LATS2: variants seen among roughly 807,000 people sequenced by gnomAD.
LATS2 encodes serine/threonine-protein kinase LATS2.
A neutral mutation model predicts 76.0 loss-of-function variants in LATS2; 24 were observed. The observed-to-expected ratio is 0.32, with a 90% CI of 0.23 to 0.44. The LOEUF is 0.44. LATS2 is among the 20% of genes least tolerant of loss of function. The probability of loss-of-function intolerance (pLI) is 1.00; values close to 1 mark genes in which losing one functional copy is unlikely to be tolerated. For synonymous variants in LATS2, 692 were observed against 635.4 expected, an observed-to-expected ratio of 1.09 and a Z score of -1.34; for missense variants, 1,286 against 1,481.2, an observed-to-expected ratio of 0.87 and a Z score of 2.16.
intron 1 of LATS2, 127 bp from the exon 2 acceptor site, chr13:21,046,357 AC>A (rs1049307839): frequency 2.9e-4 from 79 of 276,390 alleles, no homozygotes; most frequent in African/African-American, 1.6e-3. Flanking sequence ...AGAACGCATC[AC>A]CTCTCAGAAA....
intron 2 of LATS2, among the ~76,000 whole-genome samples, chr13:21,021,631 T>A (rs1332428672): frequency 6.6e-6 from 1 of 152,228 alleles, no homozygotes; most frequent in East Asian, 1.9e-4. Context: ...TTGTCAGCAT[T>A]GCTCAAAGCT....
intron 1 of LATS2, among the ~76,000 whole-genome samples, chr13:21,054,415 A>G (rs1873381933): frequency 6.6e-6 from 1 of 152,176 alleles, no homozygotes; most frequent in Non-Finnish European, 1.5e-5. Context: ...CTCAAAAAGA[A>G]AAAAAATTTA....
chr13:21,038,928 T>C (rs1872774896), intron 2 of LATS2, among the ~76,000 whole-genome samples: 1 of 152,182 alleles, frequency 6.6e-6, no homozygotes, highest in Non-Finnish European at 1.5e-5. Context: ...TGTAATGAGC[T>C]GAGATCACCC....
chr13:20,984,283 T>C (rs1314760828), intron 4 of LATS2, among the ~76,000 whole-genome samples: 1 of 151,712 alleles, frequency 6.6e-6, no homozygotes, highest in Non-Finnish European at 1.5e-5. Context: ...GAATGAAAAG[T>C]TAAGATAAAA....
chr13:21,047,661 CT>C (rs1365116582), intron 1 of LATS2, among the ~76,000 whole-genome samples: 1 of 151,518 alleles, frequency 6.6e-6, no homozygotes, highest in African/African-American at 2.4e-5. Flanking sequence ...AACTTTATAA[CT>C]GTAAACCGCG....
chr13:20,988,304 C>A lies in LATS2; in HGVS notation c.1476G>T (p.Leu492=), dbSNP rs1420906671. 15 of 1,564,528 alleles carry A rather than the reference C, an allele frequency of 9.6e-6. No individual in the cohort carries two copies. The highest frequency in any genetic ancestry group is 1.3e-5 in the Non-Finnish European group (15 of 1,165,222). ...GGAAGGCGCCTGCGCCGCCCAGCGCCAGGGCATGCTCCTCCTTGGCGTCCA... is the reference window on the plus strand; with the variant it reads ...GGAAGGCGCCTGCGCCGCCCAGCGCAAGGGCATGCTCCTCCTTGGCGTCCA... ...EGLDAKEEHA[L]ALGGAGAFPL... The change falls in exon 4 of 8, where the codon CTG becomes CTT. Residue 492 remains leucine (L), a synonymous_variant. Transcript: ENST00000382592.
chr13:20,989,055 G>A lies in LATS2; in HGVS notation c.725C>T (p.Ala242Val). 6.3e-7 allele frequency: 1 copy of A among 1,578,016 alleles called. No homozygotes were observed. The highest frequency in any genetic ancestry group is 8.6e-7 in the Non-Finnish European group (1 of 1,167,148). Residue 242 changes from alanine to valine, a missense_variant, in exon 4 of 8, where the codon GCA becomes GTA. Physicochemically the swap from Ala to Val is moderately conservative, Grantham distance 64. Coordinates refer to ENST00000382592, the MANE Select transcript of LATS2 (RefSeq NM_014572.3). ...GCCCTGCAGCGGGAAGTGTGCCCCT[G>A]CTGCCTCTACGCTGGCACCGTAGCC... ...PKGYGASVEA[A>V]GAHFPLQGAH... is the part of the protein sequence containing the mutation.
chr13:21,003,591 G>A (rs1474705615), intron 2 of LATS2, among the ~76,000 whole-genome samples: 4 of 151,596 alleles, frequency 2.6e-5, no homozygotes, highest in African/African-American at 4.8e-5. Flanking sequence ...CAGGTGCCTC[G>A]CCACCACACC....
At position 20,991,172 on chromosome 13, in the gene LATS2, C is replaced by A; in HGVS notation, c.475+100G>T. 7.1e-7 allele frequency: 1 copy of A among 1,417,188 alleles called. No homozygotes were observed. The highest frequency in any genetic ancestry group is 9.8e-7 in the Non-Finnish European group (1 of 1,022,938). The allele number at this position is 1,417,188 out of a possible 1,614,324, so 87.8% of individuals were successfully genotyped here. On this transcript the variant is annotated intron_variant, in intron 3 of 7. Transcript: ENST00000382592. This position sits in a 1 kb window ranked among gnomAD's most constrained non-coding sequence, Gnocchi z 4.9. Reference sequence around the variant, plus strand: ...ATGAGGCAATGTGCCAGGAGACTGGCTCTGGCCAGGCCAGGCCAGGTTGGA... The same window carrying A: ...ATGAGGCAATGTGCCAGGAGACTGGATCTGGCCAGGCCAGGCCAGGTTGGA...
In LATS2 at chr13:20,989,200, G is replaced by A; in HGVS notation, c.580C>T (p.Pro194Ser). Reference protein sequence around the residue: ...HQLSGTPYEGPSFGADGPTAL... With the variant: ...HQLSGTPYEGSSFGADGPTAL... ...GTGGGGCCGTCAGCGCCGAAGCTTGGGCCCTCGTAGGGGGTACCGCTCAGC... is the reference window on the plus strand; with the variant it reads ...GTGGGGCCGTCAGCGCCGAAGCTTGAGCCCTCGTAGGGGGTACCGCTCAGC... Residue 194 changes from proline (P) to serine (S), a missense_variant, in exon 4 of 8, where the codon CCA (proline) becomes TCA (serine). Pro to Ser is a moderately conservative substitution (Grantham distance 74, BLOSUM62 -1). Coordinates refer to ENST00000382592, the MANE Select transcript of LATS2 (RefSeq NM_014572.3). 2 of 1,613,684 alleles carry A rather than the reference G, an allele frequency of 1.2e-6. No individual in the cohort carries two copies. The highest frequency in any genetic ancestry group is 2.2e-5 in the South Asian group (2 of 91,088).
chr13:21,049,458 T>C (rs565379820), intron 1 of LATS2, among the ~76,000 whole-genome samples: 32 of 152,096 alleles, frequency 2.1e-4, no homozygotes, highest in Non-Finnish European at 2.9e-5. Flanking sequence ...TATGGGACAT[T>C]TGCCCGGCCA....
rs1870335213 is a variant in LATS2, at chr13:20,988,742, G to C, written c.1038C>G (p.Ser346Arg). The change falls in exon 4 of 8, where the codon AGC becomes AGG. Residue 346 changes from serine (S) to arginine (R), a missense_variant. Coordinates refer to ENST00000382592, the MANE Select transcript of LATS2 (RefSeq NM_014572.3). ...QVFASDSPPQSLLTPSRNSLN... is the reference protein window; with the variant it reads ...QVFASDSPPQRLLTPSRNSLN... ...GGCTGTTCCGCGAGGGAGTGAGCAG[G>C]CTCTGCGGGGGGCTGTCGCTGGCGA... 6.4e-7 allele frequency: 1 copy of C among 1,573,250 alleles called. No individual in the cohort carries two copies. The highest frequency in any genetic ancestry group is 1.2e-5 in the South Asian group (1 of 86,810).
At chr13:21,055,101 T>C (rs1291078861) in intron 1 of LATS2, among the ~76,000 whole-genome samples, 2 of 152,260 alleles carry the variant, frequency 1.3e-5, no homozygotes, top group African/African-American at 4.8e-5. Context: ...AGACAGTGTA[T>C]TTTAAGCTTT....
rs1212679729 is a variant in LATS2 at position 20,991,313 on chromosome 13, C to T, written c.434G>A (p.Arg145Lys). The change falls in exon 3 of 8, where the codon AGG becomes AAG. Residue 145 changes from arginine to lysine, a missense_variant. Around this residue, in one of 5 missense-constraint regions of LATS2, gnomAD observed 18 missense variants for 58.5 expected, o/e 0.31. Coordinates refer to ENST00000382592, the MANE Select transcript of LATS2 (RefSeq NM_014572.3). This position sits in a 1 kb window ranked among gnomAD's most constrained non-coding sequence, Gnocchi z 4.9. Reference protein sequence around the residue: ...YISKMGYLDPRNEQIVRVIKQ... With the variant: ...YISKMGYLDPKNEQIVRVIKQ... Reference sequence around the variant, plus strand: ...AATGACCCGCACAATCTGCTCATTCCTCGGGTCCAGGTAGCCCATCTTGCT... The same window carrying T: ...AATGACCCGCACAATCTGCTCATTCTTCGGGTCCAGGTAGCCCATCTTGCT... 6.2e-7 allele frequency: 1 copy of T among 1,614,070 alleles called. No homozygotes were observed. The highest frequency in any genetic ancestry group is 1.3e-5 in the African/African-American group (1 of 74,930).
rs367560172 is a variant in LATS2, at chr13:21,025,413, A to AAAC, written c.342+20271_342+20272insGTT. On this transcript the variant is annotated intron_variant, in intron 2 of 7. Transcript: ENST00000382592. ...GTCTCCAAAAAAAAAAAAAAAAAAAAATTATGGTCATGAGTGAGGAAGAGT... is the reference window on the plus strand; with the variant it reads ...GTCTCCAAAAAAAAAAAAAAAAAAAAAACATTATGGTCATGAGTGAGGAAGAGT... Among the ~76,000 whole-genome samples, 461 of 140,254 alleles carry AAAC rather than the reference A, an allele frequency of 3.3e-3. 16 individuals are homozygous for AAAC. The highest frequency in any genetic ancestry group is 9.6e-3 in the African/African-American group (346 of 36,126). The allele number at this position is 140,254 out of a possible 152,430, so 92.0% of individuals were successfully genotyped here.
At chr13:21,053,523 C>G (rs1011674506) in intron 1 of LATS2, among the ~76,000 whole-genome samples, 3 of 152,100 alleles carry the variant, frequency 2.0e-5, no homozygotes, top group Non-Finnish European at 4.4e-5. Context: ...TTGAAAGACA[C>G]AGGTAGTCAC....
At chr13:21,060,273 G>A (rs1873587460) in intron 1 of LATS2, among the ~76,000 whole-genome samples, 2 of 152,354 alleles carry the variant, frequency 1.3e-5, no homozygotes, top group South Asian at 4.1e-4. Context: ...TGGGCTGAAG[G>A]ATGTGATGGC....
chr13:20,990,493 C>T (rs866151454), intron 3 of LATS2, among the ~76,000 whole-genome samples: 2 of 45,324 alleles, frequency 4.4e-5, no homozygotes, highest in Non-Finnish European at 9.5e-5. Flanking sequence ...TTTTTAAATA[C>T]AGACGAGGTC....
Position 20,975,329 on chromosome 13 carries a change from G to A in LATS2, c.2808C>T (p.Ala936=). The change falls in exon 8 of 8, where the codon GCC becomes GCT. Residue 936 remains alanine (A), a synonymous_variant. Transcript: ENST00000382592. ...INWENTLHIP[A]QVKLSPEARD... is the part of the protein sequence containing the mutation. ...TGGCCTCAGGGCTCAGCTTCACCTG[G>A]GCTGGAATGTGGAGCGTGTTCTCCC... 1.3e-6 allele frequency: 2 copies of A among 1,591,054 alleles called. No individual in the cohort carries two copies. The highest frequency in any genetic ancestry group is 1.7e-6 in the Non-Finnish European group (2 of 1,168,698).
Sources: gnomAD v4.1 joint callset for allele counts (sites outside exome capture counted in the v4.1 genomes callset) on GRCh38, gnomAD v4.1.1 for gene constraint, gnomAD v4.1.1 regional missense constraint, Gnocchi (gnomAD v3.1) non-coding constraint, MANE v1.5 for transcripts, NCBI Gene and HGNC (gene_info 2026-07-23, HGNC 2026-07-21) for gene names.